The following FAM114A1 variants were observed in gnomAD, a reference collection of about 807,000 sequenced individuals.
FAM114A1 encodes the protein protein NOXP20.
In FAM114A1, 62 loss-of-function variants were observed where a neutral mutation model predicts 64.3. The observed-to-expected ratio is 0.96, with a 90% CI of 0.79 to 1.19. The LOEUF (loss-of-function observed/expected upper bound fraction) is 1.19, where lower values mean the gene tolerates loss of function less well. Ranked by LOEUF, FAM114A1 falls within the 50% of genes most tolerant of loss-of-function variation. The probability of loss-of-function intolerance (pLI) is 0.00; values close to 1 mark genes in which losing one functional copy is unlikely to be tolerated. For synonymous variants in FAM114A1, 254 were observed against 251.1 expected (o/e 1.01, Z -0.11); for missense variants, 645 against 676.3 (o/e 0.95, Z 0.51).
intron 10 of FAM114A1, among the ~76,000 whole-genome samples, chr4:38,929,598 T>C (rs994726202): frequency 2.6e-5 from 4 of 152,190 alleles, no homozygotes; most frequent in Admixed American, 2.6e-4. Context: ...GCCAACATGG[T>C]GAAATTCCAT....
At chr4:38,932,979 G>A (rs1009246512) in intron 12 of FAM114A1, among the ~76,000 whole-genome samples, 2 of 150,424 alleles carry the variant, frequency 1.3e-5, no homozygotes, top group Non-Finnish European at 3.0e-5. Flanking sequence ...TCAGCCTCCC[G>A]AGTAGCTGGG....
At chr4:38,873,846 T>C (rs1714345925) in intron 2 of FAM114A1, among the ~76,000 whole-genome samples, 1 of 152,008 alleles carries the variant, frequency 6.6e-6, no homozygotes, top group Non-Finnish European at 1.5e-5. Context: ...TGTGGCCTCA[T>C]CTCAGGAGGG....
At position 38,945,608 on chromosome 4, in the gene FAM114A1, G is replaced by A. The variant is rs952842201; in HGVS notation, c.*2051G>A. 4.6e-5 allele frequency: 7 copies of A among 152,120 alleles called. No homozygotes were observed. Among genetic ancestry groups the A allele is most frequent in the African/African-American group, 1.4e-4 (6 of 41,422 alleles). 9.4% of individuals were successfully genotyped at this position (152,120 alleles called of 1,614,324 possible). ...TTTAATATCATCCTACTTCTTATTA[G>A]CATTTCATTTGTCTATGTACTGTAT... is the stretch of plus-strand genomic sequence containing the variant. On this transcript the variant is annotated 3_prime_UTR_variant, in exon 15 of 15. Transcript: ENST00000358869.
chr4:38,898,394 G>C (rs1044511004), intron 4 of FAM114A1, among the ~76,000 whole-genome samples: 1 of 152,186 alleles, frequency 6.6e-6, no homozygotes, highest in Non-Finnish European at 1.5e-5. Flanking sequence ...AGAAATGACA[G>C]TGTTTATTAC....
Position 38,878,118 on chromosome 4 carries a change from A to G in FAM114A1, c.40A>G (p.Lys14Glu). ...TGGTGACACCTTAGCCACTGGAGAC[A>G]AAGCAGAAGTTACTGAGATGCCTAA... Reference protein sequence around the residue: ...DAGDTLATGDKAEVTEMPNSD... With the variant: ...DAGDTLATGDEAEVTEMPNSD... Residue 14 changes from lysine to glutamate, a missense_variant, in exon 3 of 15, where the codon AAA becomes GAA. Lys to Glu is a moderately conservative substitution (Grantham distance 56, BLOSUM62 1). Transcript: ENST00000358869. The G allele has an allele frequency of 6.2e-7, 1 of 1,613,612 alleles. No homozygotes were observed. Among genetic ancestry groups the G allele is most frequent in the Non-Finnish European group, 8.5e-7 (1 of 1,179,648 alleles).
rs1284302677 is a variant in FAM114A1, at chr4:38,945,145, C to T, written c.*1588C>T. 1 of 152,138 alleles carries T rather than the reference C, an allele frequency of 6.6e-6. No homozygotes were observed. Among genetic ancestry groups the T allele is most frequent in the African/African-American group, 2.4e-5 (1 of 41,410 alleles). The allele number at this position is 152,138 out of a possible 1,614,324, so 9.4% of individuals were successfully genotyped here. Reference sequence around the variant, plus strand: ...CATAATTACAAAGCTTGGAAGTATTCAAATAGAAAATCAAAGGTGTTTCAA... The same window carrying T: ...CATAATTACAAAGCTTGGAAGTATTTAAATAGAAAATCAAAGGTGTTTCAA... On this transcript the variant is annotated 3_prime_UTR_variant, in exon 15 of 15. Transcript: ENST00000358869.
intron 12 of FAM114A1, among the ~76,000 whole-genome samples, chr4:38,933,469 A>G (rs1379664374): frequency 1.3e-5 from 2 of 152,356 alleles, no homozygotes; most frequent in East Asian, 3.9e-4. Flanking sequence ...GATGACGGTC[A>G]CTAATATTAA....
At chr4:38,900,554 T>C (rs1235390340) in intron 4 of FAM114A1, among the ~76,000 whole-genome samples, 1 of 152,216 alleles carries the variant, frequency 6.6e-6, no homozygotes, top group Non-Finnish European at 1.5e-5. Flanking sequence ...CAAGGGAATA[T>C]TATTCAGATT....
At chr4:38,879,667 A>T (rs1442419324) in intron 3 of FAM114A1, among the ~76,000 whole-genome samples, 2 of 152,100 alleles carry the variant, frequency 1.3e-5, no homozygotes, top group African/African-American at 4.8e-5. Context: ...TTTTGTAGGG[A>T]TGTTATGGAA....
At chr4:38,889,817 T>C (rs1716149422) in intron 3 of FAM114A1, among the ~76,000 whole-genome samples, 1 of 151,256 alleles carries the variant, frequency 6.6e-6, no homozygotes, top group Non-Finnish European at 1.5e-5. Context: ...AAAATAGTGA[T>C]TTTTTTTCTC....
chr4:38,943,565 A>G lies in FAM114A1; in HGVS notation c.*8A>G. ...TTGAAAGCACAGCCGTGACCTGGCCAGACTCCATCTAGTTAAAGGAGACAG... is the reference window on the plus strand; with the variant it reads ...TTGAAAGCACAGCCGTGACCTGGCCGGACTCCATCTAGTTAAAGGAGACAG... On this transcript the variant is annotated 3_prime_UTR_variant, in exon 15 of 15. Coordinates refer to ENST00000358869, the MANE Select transcript of FAM114A1 (RefSeq NM_138389.4). 1 of 1,613,064 alleles carries G rather than the reference A, an allele frequency of 6.2e-7. No homozygotes were observed. Among genetic ancestry groups the G allele is most frequent in the Non-Finnish European group, 8.5e-7 (1 of 1,179,270 alleles).
rs190630490 is a variant in FAM114A1, at chr4:38,908,733, T to G, written c.792+7T>G. ...AACTGTTTCCTTGTCTCAGGTTGGA[T>G]TATATACGTTTGCAATTTTTTCTTT... On this transcript the variant is annotated splice_region_variant and intron_variant, in intron 7 of 14. Coordinates refer to ENST00000358869, the MANE Select transcript of FAM114A1 (RefSeq NM_138389.4). 149 of 1,549,754 alleles carry G rather than the reference T, an allele frequency of 9.6e-5. 1 individual carries two copies. In the African/African-American group the frequency reaches 1.8e-3, roughly 19 times the overall value.
chr4:38,938,772 A>C (rs1721318318), intron 13 of FAM114A1: 1 of 152,150 alleles, frequency 6.6e-6, no homozygotes, highest in African/African-American at 2.4e-5. Flanking sequence ...CTCTCAGTAG[A>C]TCTCCTAATT....
intron 10 of FAM114A1, among the ~76,000 whole-genome samples, chr4:38,929,708 C>T (rs1448999465): frequency 1.3e-5 from 2 of 152,148 alleles, no homozygotes; most frequent in African/African-American, 2.4e-5. Flanking sequence ...ACCCAGGAGG[C>T]CAAGGTTGCA....
At chr4:38,935,960 T>C (rs1207801550) in intron 13 of FAM114A1, among the ~76,000 whole-genome samples, 170 bp downstream of exon 13, 1 of 152,226 alleles carries the variant, frequency 6.6e-6, no homozygotes, top group Admixed American at 6.5e-5. Context: ...AGCTTAGGAC[T>C]CTCCTGACTG....
intron 2 of FAM114A1, among the ~76,000 whole-genome samples, chr4:38,872,461 A>G (rs1165417004): frequency 6.6e-6 from 1 of 152,236 alleles, no homozygotes; most frequent in Non-Finnish European, 1.5e-5. Flanking sequence ...AGAAAACTGA[A>G]ATATTTTGGG....
rs1409314233 is a variant in FAM114A1 at position 38,940,948 on chromosome 4, T to G, written c.1537-20T>G. The G allele has an allele frequency of 6.2e-7, 1 of 1,613,940 alleles. No individual in the cohort carries two copies. Among genetic ancestry groups the G allele is most frequent in the Non-Finnish European group, 8.5e-7 (1 of 1,179,806 alleles). ...AGTATGAGCACCTAATCTGTCAATT[T>G]CATACTTCTGATTCCACAGAGCAAC... On this transcript the variant is annotated intron_variant, in intron 13 of 14. Coordinates refer to ENST00000358869, the MANE Select transcript of FAM114A1 (RefSeq NM_138389.4).
chr4:38,932,252 C>T lies in FAM114A1; in HGVS notation c.1341C>T (p.Ser447=), dbSNP rs544949021. 11 of 1,604,630 alleles carry T rather than the reference C, an allele frequency of 6.9e-6. No homozygotes were observed. Among genetic ancestry groups the T allele is most frequent in the African/African-American group, 5.4e-5 (4 of 74,290 alleles). The part of the protein sequence containing the change: ...TKTIEEVYMS[S]IESLAEVTAR... ...CATTTCAGGAAGTATACATGTCGTC[C>T]ATTGAAAGTCTGGCGGAGGTAACAG... Residue 447 remains serine, a synonymous_variant, in exon 12 of 15, where the codon TCC becomes TCT. Coordinates refer to ENST00000358869, the MANE Select transcript of FAM114A1 (RefSeq NM_138389.4).
rs780944265 is a variant in FAM114A1, at chr4:38,891,825, C to T, written c.431C>T (p.Thr144Ile). 8.1e-6 allele frequency: 13 copies of T among 1,611,430 alleles called. No homozygotes were observed. Among genetic ancestry groups the T allele is most frequent in the Non-Finnish European group, 1.1e-5 (13 of 1,178,926 alleles). Residue 144 changes from threonine to isoleucine, a missense_variant, in exon 4 of 15, where the codon ACA becomes ATA. Coordinates refer to ENST00000358869, the MANE Select transcript of FAM114A1 (RefSeq NM_138389.4). Reference protein sequence around the residue: ...GKSLLSSASATVGHGLTAVKE... With the variant: ...GKSLLSSASAIVGHGLTAVKE... The stretch of plus-strand genomic sequence containing the variant: ...TCTCTGCTGTCGTCAGCATCTGCCA[C>T]AGTAGGTAAGCATTGTATGTTGCAT...
Sources: allele counts gnomAD v4.1 joint callset (sites outside exome capture counted in the v4.1 genomes callset), GRCh38; gene constraint gnomAD v4.1.1; transcripts MANE v1.5; gene names NCBI Gene and HGNC (gene_info 2026-07-23, HGNC 2026-07-21).